Variants in F11R observed in about 807,000 individuals in gnomAD.
The protein encoded by F11R is F11 receptor, also known as junctional adhesion molecule A.
A neutral mutation model predicts 39.3 loss-of-function variants in F11R; 27 were observed. The observed-to-expected ratio is 0.69, with a 90% CI of 0.51 to 0.95. The LOEUF (loss-of-function observed/expected upper bound fraction) is 0.95. F11R is among the 40% of genes least tolerant of loss of function. F11R has a pLI of 0.00. For synonymous variants in F11R, 131 were observed against 144.9 expected (o/e 0.90, Z 0.69); for missense variants, 335 against 372.7 (o/e 0.90, Z 0.83).
At chr1:161,003,659 C>A (rs994480463) in intron 1 of F11R, among the ~76,000 whole-genome samples, 18 of 151,314 alleles carry the variant, frequency 1.2e-4, no homozygotes, top group Admixed American at 1.1e-3. Flanking sequence ...TCACTGCAAC[C>A]TCTGCCTCCC....
intron 5 of F11R, 21 bp downstream of exon 5, chr1:161,000,125 T>C (rs1648385165): frequency 6.2e-7 from 1 of 1,613,556 alleles, no homozygotes; most frequent in African/African-American, 1.3e-5. Flanking sequence ...CACACATCTT[T>C]CACCACCACC....
intron 1 of F11R, among the ~76,000 whole-genome samples, chr1:161,007,533 T>C (rs1042154058): frequency 1.3e-5 from 2 of 152,044 alleles, no homozygotes; most frequent in Non-Finnish European, 2.9e-5. Context: ...GACAAGCCAC[T>C]TGGCCTCCTC....
chr1:161,000,874 T>C (rs1345366730), intron 3 of F11R, 97 bp from the exon 4 acceptor site: 1 of 1,528,966 alleles, frequency 6.5e-7, no homozygotes, highest in Non-Finnish European at 9.0e-7. Context: ...GCTCTCCTCT[T>C]CCCCCAGAAA....
chr1:161,013,738 T>C (rs1295305918), intron 1 of F11R, among the ~76,000 whole-genome samples: 1 of 152,224 alleles, frequency 6.6e-6, no homozygotes, highest in Non-Finnish European at 1.5e-5. Flanking sequence ...CCTCTGAGGA[T>C]GGCAGAAAGT....
At chr1:161,010,246 C>T (rs1177369747) in intron 1 of F11R, among the ~76,000 whole-genome samples, 1 of 151,862 alleles carries the variant, frequency 6.6e-6, no homozygotes, top group Non-Finnish European at 1.5e-5. Flanking sequence ...GAGTTCGAGA[C>T]TAGCCTGGCC....
At position 161,005,293 on chromosome 1, in the gene F11R, C is replaced by T. The variant is rs988349397; in HGVS notation, c.65-3940G>A. On this transcript the variant is annotated intron_variant, in intron 1 of 9. Coordinates refer to ENST00000368026, the MANE Select transcript of F11R (RefSeq NM_016946.6). ...CTCCCTTCCTCCCTCCTTCCTCCTT[C>T]CCCTCCCTCCCCTACCTCCCCTATC... Among the ~76,000 whole-genome samples the T allele has an allele frequency of 7.3e-5, 11 of 151,390 alleles. No individual in the cohort carries two copies. The East Asian group carries it at 2.1e-3, about 29-fold the overall frequency.
At chr1:161,015,096 T>A (rs1172693935) in intron 1 of F11R, among the ~76,000 whole-genome samples, 1 of 134,102 alleles carries the variant, frequency 7.5e-6, no homozygotes. Flanking sequence ...AAAATTAAAT[T>A]AAAAAAATAT....
At position 161,000,239 on chromosome 1, in the gene F11R, C is replaced by T; in HGVS notation, c.498G>A (p.Trp166Ter). The T allele has an allele frequency of 6.2e-7, 1 of 1,614,132 alleles. No homozygotes were observed. The highest frequency in any genetic ancestry group is 1.1e-5 in the South Asian group (1 of 91,082). ...TAGGCATCACTATCCCATCTTTGAA[C>T]CAGGTGTATTCAGAAGGTGGGGAAC... ...QDGSPPSEYT[W>*]FKDGIVMPTN... The change falls in exon 5 of 10, where the codon TGG becomes TGA. Residue 166 changes from tryptophan to a stop codon, truncating the protein, a stop_gained. Transcript: ENST00000368026. LOFTEE classifies it high-confidence loss of function.
chr1:161,015,428 A>G (rs1649409485), intron 1 of F11R, among the ~76,000 whole-genome samples: 1 of 145,950 alleles, frequency 6.9e-6, no homozygotes, highest in South Asian at 2.1e-4. Flanking sequence ...ATATATATAT[A>G]CACACACACA....
Position 160,996,670 on chromosome 1 carries a change from G to A in F11R, c.*2201C>T, listed in dbSNP as rs1330145198. On this transcript the variant is annotated 3_prime_UTR_variant, in exon 10 of 10. Transcript: ENST00000368026. ...AATCCCAGCTACTCAGGAGACTGAG[G>A]CAGGAGAATGGCTTGAACCCGGGAG... The A allele has an allele frequency of 6.6e-6, 1 of 152,246 alleles. No individual in the cohort carries two copies. The highest frequency in any genetic ancestry group is 1.5e-5 in the Non-Finnish European group (1 of 68,104). The allele number at this position is 152,246 out of a possible 1,614,324, so 9.4% of individuals were successfully genotyped here. A position where few individuals can be genotyped will look rare whatever the true frequency, so the allele number is the denominator to read the frequency against.
intron 1 of F11R, 36 bp downstream of exon 1, chr1:161,020,974 G>T: frequency 6.2e-7 from 1 of 1,607,194 alleles, no homozygotes; most frequent in Non-Finnish European, 8.5e-7. Flanking sequence ...CCTCTGACCC[G>T]ACCAACCGAT....
chr1:161,016,381 C>A (rs1173274951), intron 1 of F11R, among the ~76,000 whole-genome samples: 1 of 152,086 alleles, frequency 6.6e-6, no homozygotes. Flanking sequence ...GAGGCTGAGG[C>A]AGGAGAATGG....
chr1:161,008,224 G>T (rs1401701056), intron 1 of F11R, among the ~76,000 whole-genome samples: 2 of 151,896 alleles, frequency 1.3e-5, no homozygotes, highest in Non-Finnish European at 2.9e-5. Context: ...AGCCAGGCAC[G>T]GTGACTCACG....
chr1:161,007,456 ACT>A (rs1454438016), intron 1 of F11R, among the ~76,000 whole-genome samples: 2 of 151,400 alleles, frequency 1.3e-5, no homozygotes, highest in African/African-American at 2.4e-5. Context: ...CAAGGGAGAA[ACT>A]CTGTCTCAGA....
intron 1 of F11R, among the ~76,000 whole-genome samples, chr1:161,009,286 A>G (rs1648997537): frequency 6.6e-6 from 1 of 152,146 alleles, no homozygotes; most frequent in Non-Finnish European, 1.5e-5. Flanking sequence ...CCACATTATA[A>G]TGACATCATC....
intron 1 of F11R, among the ~76,000 whole-genome samples, chr1:161,019,324 G>A (rs895115764): frequency 3.9e-5 from 6 of 152,102 alleles, no homozygotes; most frequent in African/African-American, 9.7e-5. Flanking sequence ...GGCCAGCCGC[G>A]GTGGCTCACA....
chr1:161,012,213 G>A (rs953809207), intron 1 of F11R, among the ~76,000 whole-genome samples: 2 of 152,190 alleles, frequency 1.3e-5, no homozygotes, highest in East Asian at 1.9e-4. Context: ...TCCCTTGTAC[G>A]TGAAGGGTCA....
chr1:161,011,801 T>C (rs1370448265), intron 1 of F11R, among the ~76,000 whole-genome samples: 1 of 152,048 alleles, frequency 6.6e-6, no homozygotes, highest in African/African-American at 2.4e-5. Context: ...AAGACTAGAA[T>C]GAAACACCAG....
intron 1 of F11R, 119 bp from the exon 2 acceptor site, chr1:161,001,472 C>T (rs1174834565): frequency 1.3e-6 from 1 of 779,022 alleles, no homozygotes; most frequent in African/African-American, 1.7e-5. Flanking sequence ...GGAAGGGATT[C>T]CAGACTTATG....
Sources: allele counts gnomAD v4.1 joint callset (sites outside exome capture counted in the v4.1 genomes callset), GRCh38; gene constraint gnomAD v4.1.1; transcripts MANE v1.5; gene names NCBI Gene and HGNC (gene_info 2026-07-23, HGNC 2026-07-21).